The following LRFN5 variants were observed in gnomAD, a reference collection of about 807,000 sequenced individuals.
The protein encoded by LRFN5 is leucine rich repeat and fibronectin type III domain containing 5, also known as leucine-rich repeat and fibronectin type-III domain-containing protein 5.
Under a neutral mutation model 45.6 loss-of-function variants are expected in LRFN5, and 24 were observed. The ratio of observed to expected loss-of-function variants is 0.53; its 90% CI spans 0.38 to 0.74. LRFN5 has a LOEUF of 0.74. LRFN5 is among the 30% of genes least tolerant of loss of function. LRFN5 has a pLI of 0.00. For missense variants in LRFN5, 776 were observed against 861.5 expected (o/e 0.90, Z 1.24); for synonymous variants, 340 against 313.8 (o/e 1.08, Z -0.88).
chr14:41,726,102 G>A (rs1213365553), intron 1 of LRFN5, among the ~76,000 whole-genome samples: 6 of 152,174 alleles, frequency 3.9e-5, no homozygotes, highest in Admixed American at 2.0e-4. Flanking sequence ...GGATAAAAAG[G>A]GGATCATGTT....
chr14:41,892,906 A>G (rs916705836), intron 4 of LRFN5: 1 of 985,148 alleles, frequency 1.0e-6, no homozygotes, highest in African/African-American at 1.7e-5. Context: ...AATGAGTTTT[A>G]TGTTGTTCTT....
chr14:41,642,388 T>C (rs185904091), intron 1 of LRFN5, among the ~76,000 whole-genome samples: 2 of 152,166 alleles, frequency 1.3e-5, no homozygotes, highest in African/African-American at 2.4e-5. Flanking sequence ...ATTTGGAAAA[T>C]AGTGATAACA....
intron 1 of LRFN5, among the ~76,000 whole-genome samples, chr14:41,633,513 A>T (rs1415575922): frequency 6.6e-6 from 1 of 152,182 alleles, no homozygotes; most frequent in Non-Finnish European, 1.5e-5. Context: ...TACTGGTTTA[A>T]CATGGGCCAG....
intron 1 of LRFN5, among the ~76,000 whole-genome samples, chr14:41,711,184 A>G (rs2138746860): frequency 6.6e-6 from 1 of 152,334 alleles, no homozygotes; most frequent in African/African-American, 2.4e-5. Context: ...TAGGCAATAC[A>G]TATGTACACC....
intron 1 of LRFN5, among the ~76,000 whole-genome samples, chr14:41,728,411 C>T (rs1240559168): frequency 6.6e-6 from 1 of 152,116 alleles, no homozygotes; most frequent in Non-Finnish European, 1.5e-5. Flanking sequence ...AGTCCAAAGA[C>T]TCTCAAGGAA....
rs965004574 is a variant in LRFN5, at chr14:41,899,097, A to G, written c.2142+137A>G. 1.3e-5 allele frequency: 9 copies of G among 667,240 alleles called. No individual in the cohort carries two copies. The African/African-American group carries it at 1.7e-4, about 13-fold the overall frequency. 41.3% of individuals were successfully genotyped at this position (667,240 alleles called of 1,614,324 possible). The stretch of plus-strand genomic sequence containing the variant: ...TTTTAAAATTTACTTATAATTCTCA[A>G]CAGTGAAGATTGAAGTTTAGTTTGA... On this transcript the variant is annotated intron_variant, in intron 5 of 5. Coordinates refer to ENST00000298119, the MANE Select transcript of LRFN5 (RefSeq NM_152447.5).
intron 2 of LRFN5, among the ~76,000 whole-genome samples, chr14:41,778,317 A>G (rs1222080712): frequency 6.6e-6 from 1 of 151,706 alleles, no homozygotes; most frequent in African/African-American, 2.4e-5. Flanking sequence ...GGGGCCATCA[A>G]GAGATTAATT....
chr14:41,732,323 G>A (rs1050234601), intron 1 of LRFN5, among the ~76,000 whole-genome samples: 2 of 152,124 alleles, frequency 1.3e-5, no homozygotes, highest in African/African-American at 2.4e-5. Context: ...CCCTATTGTT[G>A]TAAGTCTTCT....
chr14:41,893,856 A>G (rs1376226038), intron 4 of LRFN5: 1 of 985,212 alleles, frequency 1.0e-6, no homozygotes, highest in African/African-American at 1.7e-5. Flanking sequence ...TGCAAAGTCT[A>G]ATTATCCTTC....
intron 1 of LRFN5, among the ~76,000 whole-genome samples, chr14:41,749,385 T>C (rs1364978270): frequency 6.6e-6 from 1 of 152,166 alleles, no homozygotes; most frequent in Non-Finnish European, 1.5e-5. Context: ...CCAAAGGATG[T>C]CATAGACATT....
At chr14:41,718,043 G>C (rs573562686) in intron 1 of LRFN5, among the ~76,000 whole-genome samples, 3 of 152,202 alleles carry the variant, frequency 2.0e-5, no homozygotes, top group African/African-American at 7.2e-5. Flanking sequence ...AAGACAGAAA[G>C]TGTCCTAGCA....
chr14:41,749,288 A>G (rs1182843490), intron 1 of LRFN5, among the ~76,000 whole-genome samples: 2 of 152,180 alleles, frequency 1.3e-5, no homozygotes, highest in Non-Finnish European at 2.9e-5. Flanking sequence ...ATAAGACTGA[A>G]TCCATTTATA....
chr14:41,812,590 C>G (rs1432934729), intron 2 of LRFN5, among the ~76,000 whole-genome samples: 1 of 151,480 alleles, frequency 6.6e-6, no homozygotes, highest in African/African-American at 2.4e-5. Context: ...AGCCACATGT[C>G]AGAAGTAGAA....
intron 2 of LRFN5, among the ~76,000 whole-genome samples, chr14:41,864,245 A>G (rs1022930398): frequency 1.3e-5 from 2 of 152,150 alleles, no homozygotes; most frequent in Non-Finnish European, 2.9e-5. Flanking sequence ...AGGAATTGCT[A>G]CACTGTCTTC....
chr14:41,682,608 G>T (rs1881951833), intron 1 of LRFN5, among the ~76,000 whole-genome samples: 1 of 151,996 alleles, frequency 6.6e-6, no homozygotes. Flanking sequence ...CCAAATAAAT[G>T]ATATCATAGA....
chr14:41,749,579 T>C (rs1885047862), intron 1 of LRFN5, among the ~76,000 whole-genome samples: 1 of 152,060 alleles, frequency 6.6e-6, no homozygotes, highest in East Asian at 1.9e-4. Flanking sequence ...GAAAACCAAA[T>C]ACTGCACGCT....
In LRFN5 at chr14:41,764,140, C is replaced by A. The variant is rs544405389; in HGVS notation, c.-196-2714C>A. On this transcript the variant is annotated intron_variant, in intron 1 of 5. Coordinates refer to ENST00000298119, the MANE Select transcript of LRFN5 (RefSeq NM_152447.5). ...AAATATATGGACTAAAAAAATAACA[C>A]CTTACTTTAATATAGAATCCTTATG... Among the ~76,000 whole-genome samples, 3 of 152,092 alleles carry A rather than the reference C, an allele frequency of 2.0e-5. No individual in the cohort carries two copies. The South Asian group carries it at 6.2e-4, about 32-fold the overall frequency.
At chr14:41,670,532 ATTATAT>A (rs1478178494) in intron 1 of LRFN5, among the ~76,000 whole-genome samples, 2 of 151,448 alleles carry the variant, frequency 1.3e-5, no homozygotes, top group African/African-American at 4.8e-5. Context: ...CAAAATAAAA[ATTATAT>A]TTATGTAGCT....
intron 1 of LRFN5, among the ~76,000 whole-genome samples, chr14:41,734,541 T>C (rs1884342339): frequency 6.6e-6 from 1 of 151,092 alleles, no homozygotes; most frequent in Non-Finnish European, 1.5e-5. Context: ...TTTCAGTCTC[T>C]GTGTGTGCAG....
Sources: allele counts gnomAD v4.1 joint callset (sites outside exome capture counted in the v4.1 genomes callset), GRCh38; gene constraint gnomAD v4.1.1; transcripts MANE v1.5; gene names NCBI Gene and HGNC (gene_info 2026-07-23, HGNC 2026-07-21).